WNK2: variants seen among roughly 807,000 people sequenced by gnomAD.
WNK2 encodes the protein serine/threonine-protein kinase WNK2.
In WNK2, 67 loss-of-function variants were observed where a neutral mutation model predicts 192.1. That is an observed-to-expected ratio of 0.35 (90% confidence interval 0.29 to 0.43). The LOEUF is 0.43. Among genes scored for constraint, WNK2 ranks in the 20% least tolerant of loss-of-function variants. The pLI, the probability that WNK2 is intolerant of heterozygous loss-of-function variation, is 1.00. For missense variants in WNK2, 2,698 were observed against 3,089.7 expected, an observed-to-expected ratio of 0.87 and a Z score of 3.01; for synonymous variants, 1,439 against 1,393.9, an observed-to-expected ratio of 1.03 and a Z score of -0.72.
chr9:93,304,442 C>T (rs957551774), intron 26 of WNK2, among the ~76,000 whole-genome samples: 1 of 152,394 alleles, frequency 6.6e-6, no homozygotes, highest in East Asian at 1.9e-4. Context: ...TGCCAAGCCC[C>T]CGCCCCAGCA....
At chr9:93,252,380 G>T (rs2132638004) in intron 8 of WNK2, among the ~76,000 whole-genome samples, 1 of 152,382 alleles carries the variant, frequency 6.6e-6, no homozygotes, top group African/African-American at 2.4e-5. Flanking sequence ...CCCTCTCAAG[G>T]CCTCTCTGCG....
intron 19 of WNK2, chr9:93,269,062 C>G (rs769075390): frequency 1.1e-6 from 1 of 948,742 alleles, no homozygotes; most frequent in African/African-American, 1.6e-5. Context: ...CAACTCCTTG[C>G]TCCTGTCCCT....
intron 1 of WNK2, 52 bp from the exon 2 acceptor site, chr9:93,184,876 C>CA: frequency 1.7e-6 from 2 of 1,203,398 alleles, no homozygotes; most frequent in Non-Finnish European, 2.1e-6. Context: ...GCGGCCTGGG[C>CA]AGGTGCGGCA....
In WNK2 at chr9:93,229,749, G is replaced by A; in HGVS notation, c.735G>A (p.Met245Ile). The change falls in exon 3 of 30, where the codon ATG becomes ATA. Residue 245 changes from methionine to isoleucine, a missense_variant. Met to Ile is a conservative substitution (Grantham distance 10). Around this residue, in one of 7 missense-constraint regions of WNK2, gnomAD observed 230 missense variants for 501.1 expected, o/e 0.46. Transcript: ENST00000427277. The surrounding 1 kb of genome is among the most constrained non-coding windows in gnomAD (Gnocchi z 4.9). ...AGCGGTTCAAGGAAGAGGCTGAGAT[G>A]CTGAAAGGCCTGCAGCACCCCAACA... ...ERQRFKEEAEMLKGLQHPNIV... is the reference protein window; with the variant it reads ...ERQRFKEEAEILKGLQHPNIV... The A allele has an allele frequency of 6.2e-7, 1 of 1,613,716 alleles. No individual in the cohort carries two copies.
At chr9:93,202,325 C>CGTGTGTGTGGGT (rs1554679107) in intron 2 of WNK2, among the ~76,000 whole-genome samples, 4 of 130,564 alleles carry the variant, frequency 3.1e-5, no homozygotes, top group African/African-American at 1.1e-4. Context: ...TCCGTGTGCA[C>CGTGTGTGTGGGT]GTGTGTGTGT....
intron 28 of WNK2, chr9:93,316,066 C>T (rs138096967): frequency 6.6e-6 from 1 of 152,304 alleles, no homozygotes; most frequent in East Asian, 1.9e-4. Context: ...TTGAATTGCA[C>T]TGAATTGAGC....
In WNK2 at chr9:93,308,592, C is replaced by G. The variant is rs113963455; in HGVS notation, c.6516+8C>G. The G allele has an allele frequency of 1.4e-4, 50 of 353,330 alleles. No individual in the cohort carries two copies. The highest frequency in any genetic ancestry group is 7.8e-4 in the Middle Eastern group (1 of 1,280). 21.9% of individuals were successfully genotyped at this position (353,330 alleles called of 1,614,324 possible). On this transcript the variant is annotated splice_region_variant and intron_variant, in intron 28 of 29. Transcript: ENST00000427277. ...CCTGGCGAGGCGCGGGCTGTGAGTG[C>G]GGGGCGGGTGGGGCGGGTGCTCCTG...
chr9:93,250,782 CTTTTT>C (rs35468086), intron 8 of WNK2, among the ~76,000 whole-genome samples: 2 of 118,626 alleles, frequency 1.7e-5, no homozygotes, highest in Non-Finnish European at 3.4e-5. Context: ...AACTCATTCA[CTTTTT>C]TTTTTTTTTT....
intron 28 of WNK2, among the ~76,000 whole-genome samples, chr9:93,310,681 T>C (rs74306073): frequency 0.081 from 12,404 of 152,266 alleles, 732 homozygotes; most frequent in African/African-American, 0.16. Context: ...TCTGTCTCTA[T>C]GACTTTGACT....
At chr9:93,217,658 C>T (rs939172406) in intron 2 of WNK2, among the ~76,000 whole-genome samples, 2 of 152,224 alleles carry the variant, frequency 1.3e-5, no homozygotes, top group African/African-American at 4.8e-5. Flanking sequence ...GCCCTGATCT[C>T]ATGCTGCTGG....
intron 2 of WNK2, among the ~76,000 whole-genome samples, chr9:93,218,903 G>A (rs140315386): frequency 0.016 from 2,495 of 152,362 alleles, 33 homozygotes; most frequent in Middle Eastern, 0.048. Context: ...ACAGACGGGC[G>A]TGGGGAGCCT....
chr9:93,219,789 C>G (rs1836495380), intron 2 of WNK2, among the ~76,000 whole-genome samples: 1 of 152,270 alleles, frequency 6.6e-6, no homozygotes, highest in Admixed American at 6.5e-5. Context: ...CCAGCTCCAC[C>G]TGTTGCCACC....
intron 21 of WNK2, 87 bp downstream of exon 21, chr9:93,290,134 T>C: frequency 8.0e-7 from 1 of 1,243,172 alleles, no homozygotes; most frequent in Non-Finnish European, 1.1e-6. Context: ...CCCTCGTCTT[T>C]CATCTGTTAA....
intron 2 of WNK2, among the ~76,000 whole-genome samples, chr9:93,205,563 C>A (rs768672840): frequency 6.6e-6 from 1 of 151,858 alleles, no homozygotes; most frequent in Non-Finnish European, 1.5e-5. Flanking sequence ...CTTCGGCCCG[C>A]CCCGCGGCCG....
chr9:93,227,389 A>C (rs1433812812), intron 2 of WNK2, among the ~76,000 whole-genome samples: 1 of 152,136 alleles, frequency 6.6e-6, no homozygotes, highest in African/African-American at 2.4e-5. Flanking sequence ...CTGGGATTAC[A>C]GGTGTGAGCC....
chr9:93,265,659 A>C (rs1294397252), intron 16 of WNK2, among the ~76,000 whole-genome samples: 1 of 152,272 alleles, frequency 6.6e-6, no homozygotes, highest in East Asian at 1.9e-4. Context: ...TGTTTCAAAC[A>C]TGATAAAGCA....
At chr9:93,214,699 C>G (rs1219688877) in intron 2 of WNK2, among the ~76,000 whole-genome samples, 1 of 18,294 alleles carries the variant, frequency 5.5e-5, no homozygotes, top group Non-Finnish European at 9.3e-5. Context: ...AAGGTAGTGC[C>G]CCCCCCCCCC....
rs1190728555 is a variant in WNK2, at chr9:93,254,942, CCCATG to C, written c.2035-1351_2035-1347del. Among the ~76,000 whole-genome samples the C allele has an allele frequency of 2.0e-5, 3 of 152,330 alleles. 1 individual carries two copies. In the South Asian group the frequency reaches 6.2e-4, roughly 32 times the overall value. On this transcript the variant is annotated intron_variant, in intron 9 of 29. Transcript: ENST00000427277. ...CCCTCCTCAGCCTAGGTTAGGGCTT[CCCATG>C]CCATGTGATACCACATGAGGCACTC...
In WNK2 at chr9:93,293,089, C is replaced by T. The variant is rs765695616; in HGVS notation, c.5624C>T (p.Ser1875Phe). ...ACGATCAGCGTGACCTCCTTCCATTCCCAGTCGTCCTACATCAGCAGCGAC... is the reference window on the plus strand; with the variant it reads ...ACGATCAGCGTGACCTCCTTCCATTTCCAGTCGTCCTACATCAGCAGCGAC... ...VPTISVTSFHSQSSYISSDND... is the reference protein window; with the variant it reads ...VPTISVTSFHFQSSYISSDND... The change falls in exon 23 of 30, where the codon TCC (serine) becomes TTC (phenylalanine). Residue 1875 changes from serine to phenylalanine, a missense_variant. Physicochemically the swap from Ser to Phe is radical, Grantham distance 155. This residue lies in a region of WNK2 where 1,098 missense variants were observed against 1,101.0 expected (regional missense o/e 1.00). Transcript: ENST00000427277. The T allele has an allele frequency of 8.1e-6, 13 of 1,607,342 alleles. No homozygotes were observed. The highest frequency in any genetic ancestry group is 1.1e-5 in the South Asian group (1 of 90,426).
Sources: allele counts gnomAD v4.1 joint callset (sites outside exome capture counted in the v4.1 genomes callset), GRCh38; gene constraint gnomAD v4.1.1; regional missense constraint gnomAD v4.1.1; non-coding constraint Gnocchi (gnomAD v3.1); transcripts MANE v1.5; gene names NCBI Gene and HGNC (gene_info 2026-07-23, HGNC 2026-07-21).